Variants in NHLRC2 observed in about 807,000 individuals in gnomAD.
NHLRC2 encodes NHL repeat-containing protein 2.
A neutral mutation model predicts 68.1 loss-of-function variants in NHLRC2; 33 were observed. The ratio of observed to expected loss-of-function variants is 0.48; its 90% CI spans 0.37 to 0.65. The LOEUF (loss-of-function observed/expected upper bound fraction) is 0.65. NHLRC2 is among the 30% of genes least tolerant of loss of function. The pLI is 0.00. For synonymous variants in NHLRC2, 311 were observed against 309.6 expected (o/e 1.00, Z -0.05); for missense variants, 761 against 853.8 (o/e 0.89, Z 1.35).
chr10:113,893,580 C>T (rs557925275), intron 5 of NHLRC2, among the ~76,000 whole-genome samples: 1 of 152,208 alleles, frequency 6.6e-6, no homozygotes, highest in South Asian at 2.1e-4. Flanking sequence ...ATGTAGAATT[C>T]CAAACACCTG....
chr10:113,902,511 A>G lies in NHLRC2; in HGVS notation c.1412A>G (p.Asn471Ser), dbSNP rs143817752. 3.0e-5 allele frequency: 48 copies of G among 1,605,376 alleles called. No homozygotes were observed. The African/African-American group carries it at 6.3e-4, about 21-fold the overall frequency. The change falls in exon 8 of 11, where the codon AAT becomes AGT. Residue 471 changes from asparagine to serine, a missense_variant. Physicochemically the swap from Asn to Ser is conservative, Grantham distance 46. Coordinates refer to ENST00000369301, the MANE Select transcript of NHLRC2 (RefSeq NM_198514.4). The part of the protein sequence containing the change: ...AFGDVDGVGI[N>S]AKLQHPLGVT... ...GGTGATGTTGATGGAGTAGGAATCAATGCAAAGCTTCAACACCCCCTTGGA... is the reference window on the plus strand; with the variant it reads ...GGTGATGTTGATGGAGTAGGAATCAGTGCAAAGCTTCAACACCCCCTTGGA...
At chr10:113,858,863 T>A (rs1845788642) in intron 2 of NHLRC2, 183 bp downstream of exon 2, 5 of 415,914 alleles carry the variant, frequency 1.2e-5, no homozygotes, top group Non-Finnish European at 2.1e-5. Flanking sequence ...TTAGTGATAG[T>A]GGTTTGCCTA....
chr10:113,887,312 AAAAAT>A (rs1381461708), intron 5 of NHLRC2, among the ~76,000 whole-genome samples: 1 of 152,354 alleles, frequency 6.6e-6, no homozygotes, highest in South Asian at 2.1e-4. Context: ...TGAAAAAACT[AAAAAT>A]AGAATATTTA....
At chr10:113,858,720 C>T (rs751191017) in intron 2 of NHLRC2, 40 bp downstream of exon 2, 11 of 1,495,696 alleles carry the variant, frequency 7.4e-6, no homozygotes, top group Non-Finnish European at 1.0e-5. Flanking sequence ...ACTGTCCTGG[C>T]ATAGTCACTG....
chr10:113,901,804 G>T lies in NHLRC2; in HGVS notation c.1278G>T (p.Leu426Phe). 1 of 1,614,158 alleles carries T rather than the reference G, an allele frequency of 6.2e-7. No individual in the cohort carries two copies. Among genetic ancestry groups the T allele is most frequent in the Non-Finnish European group, 8.5e-7 (1 of 1,179,994 alleles). Residue 426 changes from leucine to phenylalanine, a missense_variant, in exon 7 of 11, where the codon TTG becomes TTT. Coordinates refer to ENST00000369301, the MANE Select transcript of NHLRC2 (RefSeq NM_198514.4). ...SLASEDPWSC[L>F]FVADSESSTV... ...CCTCTGAAGATCCCTGGAGCTGCTTGTTTGTAGCAGATAGTGAGAGCAGTA... is the reference window on the plus strand; with the variant it reads ...CCTCTGAAGATCCCTGGAGCTGCTTTTTTGTAGCAGATAGTGAGAGCAGTA...
At chr10:113,863,961 A>G (rs142735106) in intron 2 of NHLRC2, among the ~76,000 whole-genome samples, 8 of 152,348 alleles carry the variant, frequency 5.3e-5, no homozygotes, top group African/African-American at 1.2e-4. Flanking sequence ...ATTATTCTCA[A>G]TAGCCAAGAT....
At chr10:113,889,457 G>A (rs764736615) in intron 5 of NHLRC2, among the ~76,000 whole-genome samples, 2 of 152,086 alleles carry the variant, frequency 1.3e-5, no homozygotes, top group Admixed American at 6.6e-5. Flanking sequence ...ATTTGATGCA[G>A]TATGACTAGT....
At chr10:113,903,427 A>C (rs945996285) in intron 8 of NHLRC2, 100 bp from the exon 9 acceptor site, 4 of 733,206 alleles carry the variant, frequency 5.5e-6, no homozygotes, top group Non-Finnish European at 9.6e-6. Flanking sequence ...TGAGAATATT[A>C]ATGGCAATCA....
At chr10:113,892,733 C>T (rs746849874) in intron 5 of NHLRC2, among the ~76,000 whole-genome samples, 6 of 152,014 alleles carry the variant, frequency 3.9e-5, no homozygotes, top group East Asian at 1.9e-4. Context: ...TGGTCTAGCA[C>T]GGTGGCTGTG....
At position 113,911,489 on chromosome 10, in the gene NHLRC2, T is replaced by C. The variant is rs1162675841; in HGVS notation, c.*2953T>C. 6.6e-6 allele frequency: 1 copy of C among 152,154 alleles called. No homozygotes were observed. The highest frequency in any genetic ancestry group is 1.5e-5 in the Non-Finnish European group (1 of 67,984). The allele number at this position is 152,154 out of a possible 1,614,324, so 9.4% of individuals were successfully genotyped here. On this transcript the variant is annotated 3_prime_UTR_variant, in exon 11 of 11. Coordinates refer to ENST00000369301, the MANE Select transcript of NHLRC2 (RefSeq NM_198514.4). Reference sequence around the variant, plus strand: ...ATCCTAACAGCCAGAAAAAAAAATTTACTATGTGTATATTTATATAGGTGT... The same window carrying C: ...ATCCTAACAGCCAGAAAAAAAAATTCACTATGTGTATATTTATATAGGTGT...
chr10:113,856,051 T>TTG (rs1845754243), intron 1 of NHLRC2, among the ~76,000 whole-genome samples: 1 of 152,214 alleles, frequency 6.6e-6, no homozygotes, highest in Non-Finnish European at 1.5e-5. Context: ...GTCGTGAAAC[T>TTG]AATACTTTTA....
rs1263637900 is a variant in NHLRC2 at position 113,876,809 on chromosome 10, A to G, written c.620A>G (p.Asn207Ser). The G allele has an allele frequency of 2.5e-6, 4 of 1,612,886 alleles. No individual in the cohort carries two copies. The African/African-American group carries it at 5.3e-5, about 22-fold the overall frequency. Residue 207 changes from asparagine (N) to serine (S), a missense_variant, in exon 3 of 11, where the codon AAT (asparagine) becomes AGT (serine). Asn to Ser is a conservative substitution (Grantham distance 46, BLOSUM62 1). Transcript: ENST00000369301. ...YYKDRGQIRD[N>S]KIGIKLYKDS... ...AAAGACAGGGGGCAGATCAGAGATA[A>G]TAAAATTGGAATAAAACTCTATAAA...
At chr10:113,868,158 GT>G (rs1040163791) in intron 2 of NHLRC2, among the ~76,000 whole-genome samples, 1 of 152,158 alleles carries the variant, frequency 6.6e-6, no homozygotes, top group African/African-American at 2.4e-5. Context: ...TGTATGTGTG[GT>G]TTTTTTATTG....
rs763031503 is a variant in NHLRC2 at position 113,902,519 on chromosome 10, C to T, written c.1420C>T (p.Leu474Phe). Residue 474 changes from leucine to phenylalanine, a missense_variant, in exon 8 of 11, where the codon CTT becomes TTT. Transcript: ENST00000369301. ...DVDGVGINAK[L>F]QHPLGVTWDK... Reference sequence around the variant, plus strand: ...TGATGGAGTAGGAATCAATGCAAAGCTTCAACACCCCCTTGGAGTAACATG... The same window carrying T: ...TGATGGAGTAGGAATCAATGCAAAGTTTCAACACCCCCTTGGAGTAACATG... The T allele has an allele frequency of 1.9e-6, 3 of 1,605,258 alleles. No individual in the cohort carries two copies. In the South Asian group the frequency reaches 3.3e-5, roughly 18 times the overall value.
intron 2 of NHLRC2, among the ~76,000 whole-genome samples, chr10:113,863,013 T>C (rs1845831099): frequency 6.6e-6 from 1 of 152,120 alleles, no homozygotes; most frequent in Non-Finnish European, 1.5e-5. Flanking sequence ...ATGATTATAA[T>C]GATAAAATGA....
At chr10:113,902,739 T>A in intron 8 of NHLRC2, 146 bp downstream of exon 8, 1 of 700,042 alleles carries the variant, frequency 1.4e-6, no homozygotes, top group Non-Finnish European at 2.4e-6. Context: ...CCTGTTCTGC[T>A]CTTTTCTTGG....
intron 2 of NHLRC2, among the ~76,000 whole-genome samples, chr10:113,872,477 A>G (rs1845936496): frequency 6.6e-6 from 1 of 152,182 alleles, no homozygotes; most frequent in African/African-American, 2.4e-5. Context: ...TGCTGATACA[A>G]AATTGACAAA....
At position 113,916,411 on chromosome 10, in the gene NHLRC2, T is replaced by G. The variant is rs1457474353; in HGVS notation, c.*7875T>G. On this transcript the variant is annotated 3_prime_UTR_variant, in exon 11 of 11. Transcript: ENST00000369301. ...ATGGCAGAACAATTTTGTTGTAGTA[T>G]TTTTTTCCGTAGCATTTCTTAATAA... is the stretch of plus-strand genomic sequence containing the variant. 6.6e-6 allele frequency: 1 copy of G among 152,180 alleles called. No individual in the cohort carries two copies. The highest frequency in any genetic ancestry group is 2.4e-5 in the African/African-American group (1 of 41,448). 9.4% of individuals were successfully genotyped at this position (152,180 alleles called of 1,614,324 possible).
intron 5 of NHLRC2, among the ~76,000 whole-genome samples, chr10:113,892,712 T>A (rs559003863): frequency 6.6e-6 from 1 of 152,204 alleles, no homozygotes; most frequent in South Asian, 2.1e-4. Context: ...GGGTAAAAAT[T>A]TCTGGAGAAG....
Sources: gnomAD v4.1 joint callset for allele counts (sites outside exome capture counted in the v4.1 genomes callset) on GRCh38, gnomAD v4.1.1 for gene constraint, MANE v1.5 for transcripts, NCBI Gene and HGNC (gene_info 2026-07-23, HGNC 2026-07-21) for gene names.